Variants in FUT8 observed in about 807,000 individuals in gnomAD.
FUT8 encodes the protein fucosyltransferase 8, also known as alpha-(1,6)-fucosyltransferase.
Under a neutral mutation model 71.3 loss-of-function variants are expected in FUT8, and 29 were observed. That is an observed-to-expected ratio of 0.41 (90% CI 0.30 to 0.55). The LOEUF is 0.55. Ranked by LOEUF, FUT8 falls within the 20% of genes least tolerant of loss-of-function variation. The pLI is 0.34. For missense variants in FUT8, 544 were observed against 702.1 expected, an observed-to-expected ratio of 0.77 and a Z score of 2.55; for synonymous variants, 254 against 239.3, an observed-to-expected ratio of 1.06 and a Z score of -0.57.
chr14:65,510,596 A>G (rs572223991), intron 2 of FUT8, among the ~76,000 whole-genome samples: 43 of 152,046 alleles, frequency 2.8e-4, no homozygotes, highest in African/African-American at 1.0e-3. Context: ...TATGGCTTCA[A>G]TTTCATTATT....
chr14:65,510,481 G>A (rs1007982637), intron 2 of FUT8, among the ~76,000 whole-genome samples: 64 of 152,032 alleles, frequency 4.2e-4, no homozygotes, highest in African/African-American at 1.5e-3. Context: ...TCTATTTTTC[G>A]GAATAGTTTC....
chr14:65,541,351 G>C (rs1355879743), intron 2 of FUT8, among the ~76,000 whole-genome samples: 4 of 152,190 alleles, frequency 2.6e-5, no homozygotes, highest in African/African-American at 9.6e-5. Flanking sequence ...CCATCTGCAG[G>C]CTGGAGAACA....
chr14:65,497,052 C>A (rs1302221027), intron 2 of FUT8, among the ~76,000 whole-genome samples: 1 of 152,114 alleles, frequency 6.6e-6, no homozygotes, highest in Non-Finnish European at 1.5e-5. Context: ...TTTTATTGAG[C>A]ATTTATTTAT....
At chr14:65,384,439 C>A in the FUT8 span, among the ~76,000 whole-genome samples, 1 of 151,988 alleles carries the variant, frequency 6.6e-6, no homozygotes, top group Non-Finnish European at 1.5e-5. This position sits in a 1 kb window ranked among gnomAD's most constrained non-coding sequence, Gnocchi z 4.2. Context: ...TAGTAAAATT[C>A]TTTTTCTCTT....
rs3742597 is a variant in FUT8, at chr14:65,733,459, A to G, written c.1410+78A>G. 0.26 allele frequency: 273,721 copies of G among 1,067,270 alleles called. 38,626 individuals are homozygous for G. The highest frequency in any genetic ancestry group is 0.52 in the East Asian group (19,369 of 37,522). 66.1% of individuals were successfully genotyped at this position (1,067,270 alleles called of 1,614,324 possible). On this transcript the variant is annotated intron_variant, in intron 10 of 10. Transcript: ENST00000673929. ...AGTCAGAAAAATTATTTGTGTGTCT[A>G]TGTGTTGTTAATGTTCATTATTGTG...
chr14:65,654,897 T>G (rs938972131), intron 6 of FUT8, among the ~76,000 whole-genome samples: 4 of 151,660 alleles, frequency 2.6e-5, no homozygotes, highest in Non-Finnish European at 5.9e-5. Flanking sequence ...AGAATGGTGT[T>G]TTTTTGTTTT....
chr14:65,416,013 G>A (rs181886352), intron 1 of FUT8, among the ~76,000 whole-genome samples: 10 of 152,104 alleles, frequency 6.6e-5, no homozygotes, highest in Admixed American at 2.6e-4. Context: ...GATAGTGTTT[G>A]GGCTGTTTAT....
intron 6 of FUT8, among the ~76,000 whole-genome samples, chr14:65,648,785 C>T (rs1019430247): frequency 6.6e-6 from 1 of 152,170 alleles, no homozygotes; most frequent in African/African-American, 2.4e-5. Flanking sequence ...ATGAGGGTAA[C>T]ACTTTTCATT....
At chr14:65,590,451 G>T (rs1887628976) in intron 3 of FUT8, among the ~76,000 whole-genome samples, 1 of 152,146 alleles carries the variant, frequency 6.6e-6, no homozygotes, top group African/African-American at 2.4e-5. Context: ...TGGAGTCAAA[G>T]AATAGGTACC....
At chr14:65,663,528 A>G (rs1892069949) in intron 6 of FUT8, among the ~76,000 whole-genome samples, 1 of 152,106 alleles carries the variant, frequency 6.6e-6, no homozygotes, top group African/African-American at 2.4e-5. Flanking sequence ...TTGGACAAAA[A>G]AATTGGGCTA....
intron 7 of FUT8, among the ~76,000 whole-genome samples, chr14:65,671,792 A>G (rs1371047607): frequency 2.0e-5 from 3 of 152,176 alleles, no homozygotes; most frequent in Non-Finnish European, 4.4e-5. Context: ...CATTATCTAT[A>G]TATGTGCCCT....
chr14:65,431,017 CAG>C (rs371693070), intron 1 of FUT8, among the ~76,000 whole-genome samples: 3,283 of 125,916 alleles, frequency 0.026, 116 homozygotes, highest in African/African-American at 0.094. Context: ...TTTTTTGAGA[CAG>C]AGTTTCACTC....
At chr14:65,514,320 G>A (rs1323121294) in intron 2 of FUT8, among the ~76,000 whole-genome samples, 4 of 152,092 alleles carry the variant, frequency 2.6e-5, no homozygotes, top group African/African-American at 4.8e-5. Flanking sequence ...TATCAGTGCT[G>A]CTGGCAGGAC....
At chr14:65,662,372 C>T (rs1219627260) in intron 6 of FUT8, among the ~76,000 whole-genome samples, 2 of 151,890 alleles carry the variant, frequency 1.3e-5, no homozygotes, top group Non-Finnish European at 2.9e-5. Context: ...AGCAATAGAG[C>T]CAGACCTTGT....
rs1892397691 is a variant in FUT8, at chr14:65,669,936, G to GA, written c.835+457dup. 6.6e-6 allele frequency among the ~76,000 whole-genome samples: 1 copy of GA among 152,192 alleles called. No individual in the cohort carries two copies. On this transcript the variant is annotated intron_variant, in intron 7 of 10. Transcript: ENST00000673929. The surrounding 1 kb of genome is among the most constrained non-coding windows in gnomAD (Gnocchi z 4.5). ...TTAAGGAAGGTCTAGGCTGCAGCCTGAGAGTTTTAATATCTGACAAAAGTT... is the reference window on the plus strand; with the variant it reads ...TTAAGGAAGGTCTAGGCTGCAGCCTGAAGAGTTTTAATATCTGACAAAAGTT...
intron 7 of FUT8, among the ~76,000 whole-genome samples, chr14:65,674,762 T>C (rs1172226912): frequency 3.3e-5 from 5 of 152,228 alleles, no homozygotes; most frequent in Non-Finnish European, 7.3e-5. Context: ...ATAGTTATTC[T>C]GTGTAATTAG....
chr14:65,727,234 C>T (rs1368032062), intron 9 of FUT8, among the ~76,000 whole-genome samples: 1 of 152,182 alleles, frequency 6.6e-6, no homozygotes, highest in Non-Finnish European at 1.5e-5. Context: ...TAGGCGGTGT[C>T]CCAGTAGGGA....
chr14:65,526,716 A>G (rs1486909726), intron 2 of FUT8, among the ~76,000 whole-genome samples: 2 of 152,026 alleles, frequency 1.3e-5, no homozygotes, highest in Non-Finnish European at 2.9e-5. Flanking sequence ...ATTCCTTTCC[A>G]TGTTTAGTGC....
chr14:65,465,086 C>T (rs1194460444), intron 2 of FUT8, among the ~76,000 whole-genome samples: 1 of 152,014 alleles, frequency 6.6e-6, no homozygotes, highest in Admixed American at 6.6e-5. Context: ...TCCATTTCAC[C>T]TAAGTTATCA....
Sources: gnomAD v4.1 joint callset for allele counts (sites outside exome capture counted in the v4.1 genomes callset) on GRCh38, gnomAD v4.1.1 for gene constraint, Gnocchi (gnomAD v3.1) non-coding constraint, MANE v1.5 for transcripts, NCBI Gene and HGNC (gene_info 2026-07-23, HGNC 2026-07-21) for gene names.